The following RAP1GDS1 variants were observed in gnomAD, a reference collection of about 807,000 sequenced individuals.
RAP1GDS1 encodes Rap1 GTPase-GDP dissociation stimulator 1.
Under a neutral mutation model 71.1 loss-of-function variants are expected in RAP1GDS1, and 35 were observed. That is an observed-to-expected ratio of 0.49 (90% confidence interval 0.38 to 0.65). The LOEUF is 0.65. RAP1GDS1 is among the 30% of genes least tolerant of loss of function. The probability of loss-of-function intolerance (pLI) is 0.00; values close to 1 mark genes in which losing one functional copy is unlikely to be tolerated. For synonymous variants in RAP1GDS1, 229 were observed against 243.1 expected (o/e 0.94, Z 0.54); for missense variants, 663 against 706.1 (o/e 0.94, Z 0.69).
intron 1 of RAP1GDS1, among the ~76,000 whole-genome samples, chr4:98,285,365 T>C (rs550122972): frequency 7.2e-4 from 109 of 152,338 alleles, no homozygotes; most frequent in African/African-American, 2.5e-3. Flanking sequence ...AAGAAATGTA[T>C]ATGCTTAAAG....
chr4:98,417,516 T>C lies in RAP1GDS1; in HGVS notation c.1039+18T>C. On this transcript the variant is annotated intron_variant, in intron 9 of 14. Coordinates refer to ENST00000408927, the MANE Select transcript of RAP1GDS1 (RefSeq NM_001100427.2). ...CAGAAATGGTAAGCATATTAGTTCC[T>C]CCTTTGTTAGTCAAATACTCTATAT... 1 of 1,609,716 alleles carries C rather than the reference T, an allele frequency of 6.2e-7. No homozygotes were observed. The highest frequency in any genetic ancestry group is 8.5e-7 in the Non-Finnish European group (1 of 1,177,058).
intron 4 of RAP1GDS1, among the ~76,000 whole-genome samples, chr4:98,357,640 G>GT (rs747692972): frequency 1.3e-5 from 2 of 151,796 alleles, no homozygotes; most frequent in Non-Finnish European, 1.5e-5. Flanking sequence ...CACTAAATAT[G>GT]TTTTTTTATC....
At chr4:98,319,590 G>C (rs1347593890) in intron 2 of RAP1GDS1, among the ~76,000 whole-genome samples, 1 of 151,820 alleles carries the variant, frequency 6.6e-6, no homozygotes, top group Non-Finnish European at 1.5e-5. Context: ...AGACCAGACT[G>C]GCCAACGTGG....
chr4:98,297,660 A>G (rs1447208793), intron 2 of RAP1GDS1, among the ~76,000 whole-genome samples: 2 of 152,064 alleles, frequency 1.3e-5, no homozygotes, highest in Non-Finnish European at 1.5e-5. Flanking sequence ...CCAACTAGCT[A>G]TGCCGTACCC....
rs768586434 is a variant in RAP1GDS1 at position 98,420,160 on chromosome 4, T to A, written c.1300+16T>A. The stretch of plus-strand genomic sequence containing the variant: ...GATGCACAAGGTAAAAGAAATGTTT[T>A]CCCCAACTTGCATTTTTCATATGAT... On this transcript the variant is annotated intron_variant, in intron 11 of 14. Coordinates refer to ENST00000408927, the MANE Select transcript of RAP1GDS1 (RefSeq NM_001100427.2). The A allele has an allele frequency of 6.7e-7, 1 of 1,494,882 alleles. No homozygotes were observed. 92.6% of individuals were successfully genotyped at this position (1,494,882 alleles called of 1,614,324 possible). A position where few individuals can be genotyped will look rare whatever the true frequency, so the allele number is the denominator to read the frequency against.
chr4:98,437,210 CT>C (rs919589641), intron 14 of RAP1GDS1, 142 bp downstream of exon 14: 4 of 840,308 alleles, frequency 4.8e-6, no homozygotes. Context: ...CTTTTTTCCC[CT>C]ATTACTGTAA....
chr4:98,306,012 T>C (rs184171848), intron 2 of RAP1GDS1, among the ~76,000 whole-genome samples: 1 of 152,320 alleles, frequency 6.6e-6, no homozygotes, highest in Admixed American at 6.5e-5. Flanking sequence ...CTTTAAATTA[T>C]ACTTGGGGAA....
In RAP1GDS1 at chr4:98,419,985, T is replaced by C. The variant is rs951730112; in HGVS notation, c.1175-34T>C. 1.9e-6 allele frequency: 3 copies of C among 1,548,954 alleles called. No homozygotes were observed. The African/African-American group carries it at 4.1e-5, about 21-fold the overall frequency. ...GAATGTTTATCAACAGGAATGCTAA[T>C]ACCATTTTAACCATAGTCTCTCTTT... On this transcript the variant is annotated intron_variant, in intron 10 of 14. Coordinates refer to ENST00000408927, the MANE Select transcript of RAP1GDS1 (RefSeq NM_001100427.2).
In RAP1GDS1 at chr4:98,261,425, C is replaced by A; in HGVS notation, c.-141C>A. 1.5e-6 allele frequency: 1 copy of A among 668,738 alleles called. No homozygotes were observed. The highest frequency in any genetic ancestry group is 2.1e-6 in the Non-Finnish European group (1 of 468,822). The allele number at this position is 668,738 out of a possible 1,614,324, so 41.4% of individuals were successfully genotyped here. A position where few individuals can be genotyped will look rare whatever the true frequency, so the allele number is the denominator to read the frequency against. ...GCCGCGCCGCCTGCAGCAGCACCAG[C>A]TGCTCCTCCCCGGCGGCCGCCCCCC... On this transcript the variant is annotated 5_prime_UTR_variant, in exon 1 of 15. It adds an upstream start codon to the 5' untranslated region. Transcript: ENST00000408927.
intron 2 of RAP1GDS1, among the ~76,000 whole-genome samples, chr4:98,294,197 C>G (rs953603054): frequency 1.3e-5 from 2 of 151,860 alleles, no homozygotes; most frequent in African/African-American, 4.8e-5. Flanking sequence ...CATTTGTTAT[C>G]TTAATTCTGC....
intron 12 of RAP1GDS1, among the ~76,000 whole-genome samples, chr4:98,428,832 A>G (rs1749987870): frequency 6.6e-6 from 1 of 152,214 alleles, no homozygotes; most frequent in South Asian, 2.1e-4. Context: ...CAGCAATCCC[A>G]CTACTGGGTA....
At chr4:98,318,590 T>C (rs1480769145) in intron 2 of RAP1GDS1, among the ~76,000 whole-genome samples, 1 of 152,150 alleles carries the variant, frequency 6.6e-6, no homozygotes, top group African/African-American at 2.4e-5. Flanking sequence ...ATGTAGGCAT[T>C]GTGAGGTAGC....
intron 3 of RAP1GDS1, among the ~76,000 whole-genome samples, chr4:98,351,843 A>T (rs960695716): frequency 1.3e-5 from 2 of 152,062 alleles, no homozygotes; most frequent in African/African-American, 2.4e-5. Context: ...TAGACCTGTA[A>T]ATGTATGGGT....
At chr4:98,285,142 A>G (rs983278464) in intron 1 of RAP1GDS1, among the ~76,000 whole-genome samples, 2 of 152,218 alleles carry the variant, frequency 1.3e-5, no homozygotes, top group African/African-American at 4.8e-5. Context: ...AACACTGAAA[A>G]GATACATTTC....
intron 2 of RAP1GDS1, among the ~76,000 whole-genome samples, chr4:98,331,841 A>G (rs1479078096): frequency 1.3e-5 from 2 of 152,182 alleles, no homozygotes; most frequent in Non-Finnish European, 2.9e-5. Flanking sequence ...GGTTCAAAAC[A>G]CTTGAACAAA....
Position 98,433,970 on chromosome 4 carries a change from T to C in RAP1GDS1, c.1475T>C (p.Ile492Thr). The C allele has an allele frequency of 1.2e-6, 2 of 1,611,190 alleles. No homozygotes were observed. Among genetic ancestry groups the C allele is most frequent in the Non-Finnish European group, 1.7e-6 (2 of 1,177,272 alleles). The change falls in exon 13 of 15, where the codon ATC becomes ACC. Residue 492 changes from isoleucine (I) to threonine (T), a missense_variant. By Grantham distance (89) the Ile-to-Thr change is moderately conservative (BLOSUM62 -1). Transcript: ENST00000408927. ...VIKTIVQSGG[I>T]KHLVTMATSE... Reference sequence around the variant, plus strand: ...AAAACCATTGTGCAGAGTGGTGGCATCAAGCATCTAGTTACCATGGCAACT... The same window carrying C: ...AAAACCATTGTGCAGAGTGGTGGCACCAAGCATCTAGTTACCATGGCAACT...
intron 2 of RAP1GDS1, among the ~76,000 whole-genome samples, chr4:98,300,719 A>G (rs1052602391): frequency 2.0e-5 from 3 of 152,160 alleles, no homozygotes; most frequent in African/African-American, 7.2e-5. Context: ...TAACATTTAT[A>G]TCTATTGGGA....
chr4:98,283,171 C>G (rs556051608), intron 1 of RAP1GDS1, among the ~76,000 whole-genome samples: 2 of 152,078 alleles, frequency 1.3e-5, no homozygotes, highest in Non-Finnish European at 2.9e-5. Flanking sequence ...CTGATCATTA[C>G]AAAATGCAAA....
intron 6 of RAP1GDS1, among the ~76,000 whole-genome samples, chr4:98,403,445 T>C (rs1354861844): frequency 2.6e-5 from 4 of 152,148 alleles, no homozygotes; most frequent in South Asian, 2.1e-4. Flanking sequence ...TTTCTGCCTG[T>C]GCAGATAGAC....
Sources: gnomAD v4.1 joint callset for allele counts (sites outside exome capture counted in the v4.1 genomes callset) on GRCh38, gnomAD v4.1.1 for gene constraint, MANE v1.5 for transcripts, NCBI Gene and HGNC (gene_info 2026-07-23, HGNC 2026-07-21) for gene names.